Variants in CELF5 observed in about 807,000 individuals in gnomAD.
The protein encoded by CELF5 is CUGBP Elav-like family member 5, also known as CUG-BP and ETR-3 like factor 5.
CELF5 carries 6 observed loss-of-function variants against 54.9 expected under a neutral mutation model. The observed-to-expected ratio is 0.11, with a 90% CI of 0.06 to 0.22. CELF5 has a LOEUF of 0.22. Ranked by LOEUF, CELF5 falls within the 10% of genes least tolerant of loss-of-function variation. CELF5 has a pLI of 1.00. For synonymous variants in CELF5, 271 were observed against 290.9 expected, an observed-to-expected ratio of 0.93 and a Z score of 0.70; for missense variants, 401 against 678.6, an observed-to-expected ratio of 0.59 and a Z score of 4.54.
chr19:3,286,047 C>A, intron 10 of CELF5, 22 bp downstream of exon 10: 1 of 1,541,852 alleles, frequency 6.5e-7, no homozygotes, highest in East Asian at 2.4e-5. Context: ...GCAACCTCCC[C>A]TGGGCGCCAG....
intron 1 of CELF5, among the ~76,000 whole-genome samples, chr19:3,233,553 G>C (rs146113896): frequency 6.6e-6 from 1 of 152,282 alleles, no homozygotes; most frequent in Non-Finnish European, 1.5e-5. Flanking sequence ...TGGGAAGGCT[G>C]TTATGCTACA....
At chr19:3,263,496 G>A (rs960052189) in intron 2 of CELF5, among the ~76,000 whole-genome samples, 15 of 152,154 alleles carry the variant, frequency 9.9e-5, no homozygotes, top group Non-Finnish European at 1.8e-4. Context: ...GGGAGACGGA[G>A]GTTGCAGTGA....
At chr19:3,266,085 G>T (rs188119179) in intron 2 of CELF5, among the ~76,000 whole-genome samples, 1 of 152,290 alleles carries the variant, frequency 6.6e-6, no homozygotes, top group East Asian at 1.9e-4. Flanking sequence ...GGAATTACAG[G>T]CGTGAGCGCA....
intron 2 of CELF5, among the ~76,000 whole-genome samples, chr19:3,264,521 T>A (rs2079853626): frequency 1.3e-5 from 2 of 151,774 alleles, no homozygotes; most frequent in African/African-American, 4.8e-5. Flanking sequence ...GTTCACGCTA[T>A]TCTCCTGCCT....
Position 3,282,360 on chromosome 19 carries a change from T to C in CELF5, c.901T>C (p.Ser301Pro). ...CCTCTTCCGCTCTGCAGGGCTGCAC[T>C]CACCCCCGCTGCTGGGCACCACCGC... Reference protein sequence around the residue: ...TPIAPASGLHSPPLLGTTAVP... With the variant: ...TPIAPASGLHPPPLLGTTAVP... Residue 301 changes from serine to proline, a missense_variant, in exon 8 of 13, where the codon TCA becomes CCA. This residue lies in a region of CELF5 where 143 missense variants were observed against 147.6 expected (regional missense o/e 0.97). Coordinates refer to ENST00000292672, the MANE Select transcript of CELF5 (RefSeq NM_021938.4). This position sits in a 1 kb window ranked among gnomAD's most constrained non-coding sequence, Gnocchi z 5.2. 6.2e-7 allele frequency: 1 copy of C among 1,609,594 alleles called. No homozygotes were observed. The highest frequency in any genetic ancestry group is 1.1e-5 in the South Asian group (1 of 91,046).
chr19:3,224,905 C>T lies in CELF5; in HGVS notation c.166C>T (p.Leu56=), dbSNP rs749029283. ...KLFVGQIPRH[L]DEKDLKPLFE... ...CTTCGTGGGCCAGATCCCGCGGCAC[C>T]TGGACGAGAAGGACCTCAAGCCGCT... Residue 56 remains leucine (L), a synonymous_variant, in exon 1 of 13, where the codon CTG becomes TTG. Transcript: ENST00000292672. 4 of 1,608,984 alleles carry T rather than the reference C, an allele frequency of 2.5e-6. No individual in the cohort carries two copies. The highest frequency in any genetic ancestry group is 3.4e-6 in the Non-Finnish European group (4 of 1,178,278).
chr19:3,264,778 G>A lies in CELF5; in HGVS notation c.343-9094G>A, dbSNP rs376837120. ...GTCACCCAGGCCAGAGTGCAGTAGC[G>A]TGATCTTGGCTCACTGCAACCTCTG... On this transcript the variant is annotated intron_variant, in intron 2 of 12. Coordinates refer to ENST00000292672, the MANE Select transcript of CELF5 (RefSeq NM_021938.4). Among the ~76,000 whole-genome samples the A allele has an allele frequency of 2.0e-5, 3 of 150,118 alleles. No homozygotes were observed. In the South Asian group the frequency reaches 6.3e-4, roughly 32 times the overall value.
At chr19:3,293,545 C>T in intron 12 of CELF5, 59 bp downstream of exon 12, 1 of 1,400,084 alleles carries the variant, frequency 7.1e-7, no homozygotes, top group Non-Finnish European at 9.7e-7. Context: ...GAAACCCCCT[C>T]CCGCGGCCCA....
intron 5 of CELF5, among the ~76,000 whole-genome samples, chr19:3,279,345 G>C (rs917494478): frequency 6.6e-6 from 1 of 152,100 alleles, no homozygotes; most frequent in African/African-American, 2.4e-5. Context: ...GTCCCCAGAA[G>C]CCATTGTTCC....
intron 1 of CELF5, among the ~76,000 whole-genome samples, chr19:3,227,815 C>T (rs890909991): frequency 6.6e-6 from 1 of 152,116 alleles, no homozygotes; most frequent in African/African-American, 2.4e-5. Flanking sequence ...TCCTCCCAGG[C>T]CAGGAGAAGC....
intron 8 of CELF5, 172 bp from the exon 9 acceptor site, chr19:3,284,730 G>A (rs2080205069): frequency 6.3e-6 from 4 of 638,130 alleles, no homozygotes; most frequent in Non-Finnish European, 1.2e-5. Flanking sequence ...GAGTGGCCCT[G>A]TGCAAGTGGC....
Position 3,282,595 on chromosome 19 carries a change from G to T in CELF5, c.1039+97G>T. On this transcript the variant is annotated intron_variant, in intron 8 of 12. Coordinates refer to ENST00000292672, the MANE Select transcript of CELF5 (RefSeq NM_021938.4). This position sits in a 1 kb window ranked among gnomAD's most constrained non-coding sequence, Gnocchi z 5.2. ...GAGTCCCTACATCACAGTGCCCAGGGAACAGAAGGGCAGGAAAAAGGGTGT... is the reference window on the plus strand; with the variant it reads ...GAGTCCCTACATCACAGTGCCCAGGTAACAGAAGGGCAGGAAAAAGGGTGT... 7.3e-7 allele frequency: 1 copy of T among 1,376,240 alleles called. No homozygotes were observed. Among genetic ancestry groups the T allele is most frequent in the African/African-American group, 1.4e-5 (1 of 69,426 alleles). The allele number at this position is 1,376,240 out of a possible 1,614,324, so 85.3% of individuals were successfully genotyped here.
At chr19:3,287,050 AAAAGAAAAG>A (rs2080264068) in intron 10 of CELF5, among the ~76,000 whole-genome samples, 1 of 108,542 alleles carries the variant, frequency 9.2e-6, no homozygotes, top group African/African-American at 3.1e-5. Context: ...AAAAAAAAAA[AAAAGAAAAG>A]AAAAGAAAAA....
At position 3,228,915 on chromosome 19, in the gene CELF5, T is replaced by TGCGC. The variant is rs60732050; in HGVS notation, c.259+3917_259+3918insGCGC. Among the ~76,000 whole-genome samples the TGCGC allele has an allele frequency of 2.1e-5, 3 of 143,508 alleles. No homozygotes were observed. The highest frequency in any genetic ancestry group is 7.8e-5 in the African/African-American group (3 of 38,264). 94.1% of individuals were successfully genotyped at this position (143,508 alleles called of 152,430 possible). ...GTGTGTGTGTGTGTGTGTGTGTGTG[T>TGCGC]ACGCGGGCGCGCGCCTGGGAAGGAC... On this transcript the variant is annotated intron_variant, in intron 1 of 12. Transcript: ENST00000292672. This position sits in a 1 kb window ranked among gnomAD's most constrained non-coding sequence, Gnocchi z 6.0.
At chr19:3,296,156 T>C (rs2080439679) in intron 12 of CELF5, 1 of 148,896 alleles carries the variant, frequency 6.7e-6, no homozygotes, top group Non-Finnish European at 1.5e-5. Context: ...TTTTGTTTCC[T>C]AGTTGGGAGT....
At chr19:3,247,189 C>T (rs1195164026) in intron 1 of CELF5, among the ~76,000 whole-genome samples, 1 of 151,992 alleles carries the variant, frequency 6.6e-6, no homozygotes, top group East Asian at 1.9e-4. Context: ...TGCAGTGGCA[C>T]AATCACAGCT....
At chr19:3,260,914 G>A (rs999353822) in intron 2 of CELF5, among the ~76,000 whole-genome samples, 8 of 151,650 alleles carry the variant, frequency 5.3e-5, no homozygotes, top group East Asian at 1.9e-4. Context: ...GAGCCACTGC[G>A]CCTGGCCACC....
In CELF5 at chr19:3,224,961, C is replaced by G. The variant is rs1295311537; in HGVS notation, c.222C>G (p.Leu74=). 1.9e-6 allele frequency: 3 copies of G among 1,606,912 alleles called. No homozygotes were observed. The East Asian group carries it at 6.8e-5, about 36-fold the overall frequency. Residue 74 remains leucine (L), a synonymous_variant, in exon 1 of 13, where the codon CTC becomes CTG. Coordinates refer to ENST00000292672, the MANE Select transcript of CELF5 (RefSeq NM_021938.4). ...AGCAGTTCGGCCGCATCTACGAGCT[C>G]ACGGTGCTCAAAGACCCCTACACGG... ...LFEQFGRIYE[L]TVLKDPYTGM...
Position 3,296,779 on chromosome 19 carries a change from T to C in CELF5, c.*62T>C, listed in dbSNP as rs1362005251. On this transcript the variant is annotated 3_prime_UTR_variant, in exon 13 of 13. Transcript: ENST00000292672. ...GCAGACCTGCGTGATTTGTACAATG[T>C]ACTTTATTTCTGCTACGAGTAATTT... The C allele has an allele frequency of 6.6e-6, 1 of 152,224 alleles. No individual in the cohort carries two copies. Among genetic ancestry groups the C allele is most frequent in the Non-Finnish European group, 1.5e-5 (1 of 68,046 alleles). The allele number at this position is 152,224 out of a possible 1,614,324, so 9.4% of individuals were successfully genotyped here.
Sources: gnomAD v4.1 joint callset for allele counts (sites outside exome capture counted in the v4.1 genomes callset) on GRCh38, gnomAD v4.1.1 for gene constraint, gnomAD v4.1.1 regional missense constraint, Gnocchi (gnomAD v3.1) non-coding constraint, MANE v1.5 for transcripts, NCBI Gene and HGNC (gene_info 2026-07-23, HGNC 2026-07-21) for gene names.